The following PSG1 variants were observed in gnomAD, a reference collection of about 807,000 sequenced individuals.
The protein encoded by PSG1 is pregnancy specific beta-1-glycoprotein 1.
PSG1 carries 60 observed loss-of-function variants against 41.4 expected under a neutral mutation model. That is an observed-to-expected ratio of 1.45 (90% CI 1.18 to 1.80). The LOEUF (loss-of-function observed/expected upper bound fraction) is 1.80. PSG1 is among the 40% of genes most tolerant of loss of function. The pLI, the probability that PSG1 is intolerant of heterozygous loss-of-function variation, is 0.00. For missense variants in PSG1, 806 were observed against 516.9 expected (o/e 1.56, Z -5.42); for synonymous variants, 256 against 192.9 (o/e 1.33, Z -2.71).
intron 2 of PSG1, among the ~76,000 whole-genome samples, chr19:42,873,330 C>T (rs891918691): frequency 6.6e-6 from 1 of 151,644 alleles, no homozygotes; most frequent in African/African-American, 2.4e-5. Flanking sequence ...CGCCAGTGAG[C>T]ACTTCTTTTT....
At chr19:42,867,352 C>T (rs1971174531) in intron 5 of PSG1, 1 of 607,006 alleles carries the variant, frequency 1.6e-6, no homozygotes, top group East Asian at 2.8e-5. Flanking sequence ...ATAAGTGCAG[C>T]AAGAGTAGCA....
intron 2 of PSG1, among the ~76,000 whole-genome samples, chr19:42,872,620 C>T (rs536299186): frequency 5.9e-5 from 9 of 151,650 alleles, no homozygotes; most frequent in South Asian, 2.1e-4. Flanking sequence ...AGTGGAGCCA[C>T]GAGGTGGGGC....
In PSG1 at chr19:42,877,951, G is replaced by C. The variant is rs1162259398; in HGVS notation, c.392C>G (p.Thr131Ser). The change falls in exon 2 of 6, where the codon ACT becomes AGT. Residue 131 changes from threonine to serine, a missense_variant. By Grantham distance (58) the Thr-to-Ser change is moderately conservative. Coordinates refer to ENST00000436291, the MANE Select transcript of PSG1 (RefSeq NM_001184825.2). ...TLHIIKGDDG[T>S]RGVTGRFTFT... ...GGTGAAACGTCCAGTTACTCCTCTA[G>C]TCCCATCATCTCCCTTTATGATGTG... 1.2e-6 allele frequency: 2 copies of C among 1,612,392 alleles called. No homozygotes were observed. Among genetic ancestry groups the C allele is most frequent in the South Asian group, 2.2e-5 (2 of 90,830 alleles).
chr19:42,875,371 T>A (rs992633092), intron 2 of PSG1, among the ~76,000 whole-genome samples: 1 of 151,754 alleles, frequency 6.6e-6, no homozygotes, highest in Non-Finnish European at 1.5e-5. Context: ...GTAGGCACAG[T>A]TTCTATAATC....
chr19:42,879,668 T>C lies in PSG1; in HGVS notation c.-87A>G. On this transcript the variant is annotated 5_prime_UTR_variant, in exon 1 of 6. Transcript: ENST00000436291. ...AGCACGGCTGTCAGCTGTGCTGTCC[T>C]TCCTCTTTCTGTGCTGAGCCTCTTC... 6 of 1,555,794 alleles carry C rather than the reference T, an allele frequency of 3.9e-6. 1 individual carries two copies. The highest frequency in any genetic ancestry group is 5.3e-6 in the Non-Finnish European group (6 of 1,140,124).
Position 42,866,776 on chromosome 19 carries a change from A to G in PSG1, c.*358T>C. 1.9e-6 allele frequency: 1 copy of G among 531,494 alleles called. No individual in the cohort carries two copies. The highest frequency in any genetic ancestry group is 2.3e-5 in the South Asian group (1 of 43,168). The allele number at this position is 531,494 out of a possible 1,614,324, so 32.9% of individuals were successfully genotyped here. Reference sequence around the variant, plus strand: ...TCTGTTGTTACTCTCAGAAGCTACTACATGTGAAATTCTAATGACTGCATT... The same window carrying G: ...TCTGTTGTTACTCTCAGAAGCTACTGCATGTGAAATTCTAATGACTGCATT... On this transcript the variant is annotated 3_prime_UTR_variant, in exon 6 of 6. Coordinates refer to ENST00000436291, the MANE Select transcript of PSG1 (RefSeq NM_001184825.2).
In PSG1 at chr19:42,879,577, C is replaced by G; in HGVS notation, c.5G>C (p.Gly2Ala). The change falls in exon 1 of 6, where the codon GGA becomes GCA. Residue 2 changes from glycine (G) to alanine (A), a missense_variant. Physicochemically the swap from Gly to Ala is moderately conservative, Grantham distance 60 (BLOSUM62 0). Coordinates refer to ENST00000436291, the MANE Select transcript of PSG1 (RefSeq NM_001184825.2). M[G>A]TLSAPPCTQR... ...TGTGCAGGGAGGGGCTGAGAGGGTT[C>G]CCATGGTCTCTGCTGCTTGTGTGTT... The G allele has an allele frequency of 3.1e-6, 5 of 1,610,518 alleles. No individual in the cohort carries two copies. Among genetic ancestry groups the G allele is most frequent in the Non-Finnish European group, 4.2e-6 (5 of 1,178,214 alleles).
At chr19:42,867,236 A>G (rs2122481052) in intron 5 of PSG1, 86 bp from the exon 6 acceptor site, 1 of 755,766 alleles carries the variant, frequency 1.3e-6, no homozygotes, top group Middle Eastern at 2.3e-4. Context: ...TTTCCACATA[A>G]TTTTTCCCTC....
At chr19:42,879,241 C>G (rs939097137) in intron 1 of PSG1, among the ~76,000 whole-genome samples, 1 of 150,568 alleles carries the variant, frequency 6.6e-6, no homozygotes, top group African/African-American at 2.4e-5. Flanking sequence ...CAACTTCTGC[C>G]TCCCGGGTTC....
intron 2 of PSG1, among the ~76,000 whole-genome samples, chr19:42,873,890 T>C (rs1971495439): frequency 6.6e-6 from 1 of 151,690 alleles, no homozygotes; most frequent in South Asian, 2.1e-4. Flanking sequence ...CATTTTCTCT[T>C]AAGCTCAGGA....
chr19:42,869,327 G>A (rs372010362), intron 3 of PSG1: 5 of 588,528 alleles, frequency 8.5e-6, no homozygotes, highest in African/African-American at 7.4e-5. Flanking sequence ...CCCTTCCCAG[G>A]CCCTCCCTAA....
chr19:42,868,495 C>G (rs1568415509), intron 4 of PSG1, 140 bp from the exon 5 acceptor site: 6 of 1,488,976 alleles, frequency 4.0e-6, no homozygotes, highest in Non-Finnish European at 5.4e-6. Context: ...TTCACTGAGC[C>G]GAATCCTGAG....
Position 42,868,326 on chromosome 19 carries a change from A to G in PSG1, c.1018T>C (p.Ser340Pro). ...TCTCCTGAACGGTAATAGGTGAATG[A>G]AGGGTAAATTCTGGGGAGGTCTGGA... Reference protein sequence around the residue: ...YGPDLPRIYPSFTYYRSGEVL... With the variant: ...YGPDLPRIYPPFTYYRSGEVL... Residue 340 changes from serine (S) to proline (P), a missense_variant, in exon 5 of 6, where the codon TCA becomes CCA. Transcript: ENST00000436291. 6.2e-7 allele frequency: 1 copy of G among 1,611,666 alleles called. No homozygotes were observed. The highest frequency in any genetic ancestry group is 1.3e-5 in the African/African-American group (1 of 74,712).
chr19:42,867,611 G>A, intron 5 of PSG1: 3 of 701,544 alleles, frequency 4.3e-6, no homozygotes, highest in Non-Finnish European at 5.1e-6. Flanking sequence ...TACTGTACTT[G>A]TGCAAATATG....
chr19:42,868,757 G>A lies in PSG1; in HGVS notation c.987C>T (p.Leu329=). Residue 329 remains leucine (L), a splice_region_variant and synonymous_variant, in exon 4 of 6, where the codon CTC becomes CTT. Coordinates refer to ENST00000436291, the MANE Select transcript of PSG1 (RefSeq NM_001184825.2). Reference sequence around the variant, plus strand: ...CACAGAGGAACAAAAGATACTCACAGAGGACATTCAGGGTGACTGGGTCAC... The same window carrying A: ...CACAGAGGAACAAAAGATACTCACAAAGGACATTCAGGGTGACTGGGTCAC... The part of the protein sequence containing the change: ...IRSDPVTLNV[L]YGPDLPRIYP... The A allele has an allele frequency of 6.2e-7, 1 of 1,611,842 alleles. No homozygotes were observed. Among genetic ancestry groups the A allele is most frequent in the African/African-American group, 1.3e-5 (1 of 74,790 alleles).
Position 42,879,706 on chromosome 19 carries a change from C to G in PSG1, c.-125G>C. On this transcript the variant is annotated 5_prime_UTR_variant, in exon 1 of 6. Coordinates refer to ENST00000436291, the MANE Select transcript of PSG1 (RefSeq NM_001184825.2). ...GCTGAGCCTCTTCCCAGGGCAGGAGCAATTCTCAAGCTCATGGGCAGGGTC... is the reference window on the plus strand; with the variant it reads ...GCTGAGCCTCTTCCCAGGGCAGGAGGAATTCTCAAGCTCATGGGCAGGGTC... 1 of 1,422,174 alleles carries G rather than the reference C, an allele frequency of 7.0e-7. No homozygotes were observed. The highest frequency in any genetic ancestry group is 9.6e-7 in the Non-Finnish European group (1 of 1,045,926). The allele number at this position is 1,422,174 out of a possible 1,614,324, so 88.1% of individuals were successfully genotyped here. A position where few individuals can be genotyped will look rare whatever the true frequency, so the allele number is the denominator to read the frequency against.
At chr19:42,874,463 T>C (rs1219421169) in intron 2 of PSG1, among the ~76,000 whole-genome samples, 10 of 151,650 alleles carry the variant, frequency 6.6e-5, no homozygotes, top group Middle Eastern at 3.4e-3. Context: ...TCTCCTGCCT[T>C]GGCCTCCCAA....
At position 42,871,368 on chromosome 19, in the gene PSG1, T is replaced by C. The variant is rs1216633446; in HGVS notation, c.709+399A>G. On this transcript the variant is annotated intron_variant, in intron 3 of 5. Transcript: ENST00000436291. ...GTGGGGGCATCCAGGCCATGTGGAG[T>C]AAAGAGAATAATGTCACAGGCACTA... is the stretch of plus-strand genomic sequence containing the variant. Among the ~76,000 whole-genome samples, 5 of 151,066 alleles carry C rather than the reference T, an allele frequency of 3.3e-5. 1 individual carries two copies. The highest frequency in any genetic ancestry group is 4.9e-5 in the African/African-American group (2 of 41,144).
At chr19:42,875,894 G>A (rs1375974087) in intron 2 of PSG1, among the ~76,000 whole-genome samples, 1 of 145,982 alleles carries the variant, frequency 6.9e-6, no homozygotes, top group Non-Finnish European at 1.5e-5. Flanking sequence ...TGGAGGAACT[G>A]CCTATCCCTG....
Sources: allele counts gnomAD v4.1 joint callset (sites outside exome capture counted in the v4.1 genomes callset), GRCh38; gene constraint gnomAD v4.1.1; transcripts MANE v1.5; gene names NCBI Gene and HGNC (gene_info 2026-07-23, HGNC 2026-07-21).